GABRA2: variants seen among roughly 807,000 people sequenced by gnomAD.
GABRA2 encodes gamma-aminobutyric acid type A receptor subunit alpha2, also known as gamma-aminobutyric acid receptor subunit alpha-2.
A neutral mutation model predicts 48.7 loss-of-function variants in GABRA2; 16 were observed. The observed-to-expected ratio is 0.33, with a 90% CI of 0.22 to 0.50. The LOEUF (loss-of-function observed/expected upper bound fraction) is 0.50, where lower values mean the gene tolerates loss of function less well. GABRA2 is among the 20% of genes least tolerant of loss of function. GABRA2 has a pLI of 0.98. For synonymous variants in GABRA2, 185 were observed against 184.5 expected (o/e 1.00, Z -0.02); for missense variants, 275 against 535.6 (o/e 0.51, Z 4.80).
intron 3 of GABRA2, among the ~76,000 whole-genome samples, chr4:46,384,550 A>C (rs1286522223): frequency 6.6e-6 from 1 of 152,172 alleles, no homozygotes; most frequent in Non-Finnish European, 1.5e-5. Flanking sequence ...CCTCGTAAAA[A>C]TTCAAAGAGA....
At chr4:46,365,954 T>A (rs1391416947) in intron 3 of GABRA2, 13 of 152,082 alleles carry the variant, frequency 8.5e-5, no homozygotes, top group Non-Finnish European at 1.0e-4. Context: ...TCAATATCAC[T>A]TATAATAAGC....
chr4:46,378,235 A>G (rs1343341054), intron 3 of GABRA2, among the ~76,000 whole-genome samples: 1 of 152,216 alleles, frequency 6.6e-6, no homozygotes, highest in Non-Finnish European at 1.5e-5. Flanking sequence ...GGGTGGGGAA[A>G]AGACTGAGAA....
intron 6 of GABRA2, among the ~76,000 whole-genome samples, chr4:46,306,606 G>T (rs1034094637): frequency 2.6e-5 from 4 of 152,154 alleles, no homozygotes; most frequent in Admixed American, 2.0e-4. Flanking sequence ...ACCTTCTGAA[G>T]AACTTCTACG....
chr4:46,262,166 G>A (rs201766930), intron 8 of GABRA2, 38 bp from the exon 9 acceptor site: 30 of 1,553,244 alleles, frequency 1.9e-5, no homozygotes, highest in Admixed American at 6.7e-5. Flanking sequence ...ACATCAATAG[G>A]TACTAGCAGG....
At chr4:46,291,990 T>C (rs1365772179) in intron 8 of GABRA2, among the ~76,000 whole-genome samples, 2 of 152,046 alleles carry the variant, frequency 1.3e-5, no homozygotes, top group Non-Finnish European at 2.9e-5. Flanking sequence ...AGGACTATAC[T>C]TCTAATAGTA....
chr4:46,383,992 T>C (rs954934486), intron 3 of GABRA2, among the ~76,000 whole-genome samples: 1 of 152,202 alleles, frequency 6.6e-6, no homozygotes, highest in African/African-American at 2.4e-5. Flanking sequence ...ATTGATATCA[T>C]TGAAATGCCA....
intron 3 of GABRA2, among the ~76,000 whole-genome samples, chr4:46,377,602 G>C (rs1042043195): frequency 1.1e-4 from 16 of 151,460 alleles, no homozygotes; most frequent in Non-Finnish European, 2.4e-4. Context: ...CGGCAGGGAG[G>C]TGGGGGGTCA....
intron 3 of GABRA2, among the ~76,000 whole-genome samples, chr4:46,385,336 T>C (rs999774764): frequency 4.6e-5 from 7 of 151,836 alleles, no homozygotes; most frequent in Non-Finnish European, 1.0e-4. Flanking sequence ...AAACAAGTGA[T>C]AAATGTGATC....
chr4:46,389,952 TAGA>T lies in GABRA2; in HGVS notation c.-231_-229del, dbSNP rs1718036484. The stretch of plus-strand genomic sequence containing the variant: ...GGAGCCGCGGCGGCGGCGCGAGGTG[TAGA>T]AGGAGGCGAAGGCGTTCGTAGTGGC... On this transcript the variant is annotated 5_prime_UTR_variant, in exon 1 of 10. Coordinates refer to ENST00000381620, the MANE Select transcript of GABRA2 (RefSeq NM_000807.4). 9.2e-6 allele frequency: 9 copies of T among 982,572 alleles called. No individual in the cohort carries two copies. The highest frequency in any genetic ancestry group is 1.1e-5 in the Non-Finnish European group (9 of 831,050). 60.9% of individuals were successfully genotyped at this position (982,572 alleles called of 1,614,324 possible). A position where few individuals can be genotyped will look rare whatever the true frequency, so the allele number is the denominator to read the frequency against.
intron 8 of GABRA2, among the ~76,000 whole-genome samples, chr4:46,293,777 C>T (rs1174061420): frequency 6.6e-6 from 1 of 152,160 alleles, no homozygotes; most frequent in African/African-American, 2.4e-5. Flanking sequence ...GGAGGAACTG[C>T]TGAGATTAGT....
At chr4:46,333,899 T>C (rs1731775330) in intron 3 of GABRA2, among the ~76,000 whole-genome samples, 1 of 152,148 alleles carries the variant, frequency 6.6e-6, no homozygotes, top group African/African-American at 2.4e-5. Context: ...CAAAGAATTA[T>C]ACCATAGTCA....
chr4:46,303,410 G>A (rs45480300), intron 8 of GABRA2, 50 bp downstream of exon 8: 39 of 1,501,316 alleles, frequency 2.6e-5, no homozygotes, highest in Non-Finnish European at 3.6e-5. Context: ...GTTTTTGAAA[G>A]TATGCTATGA....
At chr4:46,367,949 A>G (rs1440430268) in intron 3 of GABRA2, 2 of 152,114 alleles carry the variant, frequency 1.3e-5, no homozygotes, top group Non-Finnish European at 2.9e-5. Context: ...TCCTTTGAAC[A>G]ATGGACTGTG....
chr4:46,268,847 G>A (rs1718760463), intron 8 of GABRA2, among the ~76,000 whole-genome samples: 1 of 151,946 alleles, frequency 6.6e-6, no homozygotes, highest in Middle Eastern at 3.4e-3. Flanking sequence ...CAATGGAAAA[G>A]TATTAGTCCT....
intron 8 of GABRA2, among the ~76,000 whole-genome samples, chr4:46,302,266 G>T (rs945490930): frequency 1.6e-4 from 25 of 152,020 alleles, no homozygotes; most frequent in African/African-American, 6.0e-4. Context: ...TTGCTATATT[G>T]CCCAGACTGG....
chr4:46,279,588 AT>A (rs1291726159), intron 8 of GABRA2, among the ~76,000 whole-genome samples: 1 of 152,142 alleles, frequency 6.6e-6, no homozygotes, highest in Non-Finnish European at 1.5e-5. Flanking sequence ...GTCATAAAAA[AT>A]CTTACGTGGA....
At position 46,363,304 on chromosome 4, in the gene GABRA2, G is replaced by T. The variant is rs554097064; in HGVS notation, c.187+22770C>A. On this transcript the variant is annotated intron_variant, in intron 3 of 9. Coordinates refer to ENST00000381620, the MANE Select transcript of GABRA2 (RefSeq NM_000807.4). ...GGCGATAAGTAAGCATTAACGGATA[G>T]AACTAGGAGATATTAACACCTGCGA... is the stretch of plus-strand genomic sequence containing the variant. Among the ~76,000 whole-genome samples the T allele has an allele frequency of 2.0e-5, 3 of 152,240 alleles. No homozygotes were observed. In the East Asian group the frequency reaches 5.8e-4, roughly 29 times the overall value.
intron 3 of GABRA2, among the ~76,000 whole-genome samples, chr4:46,375,949 T>A (rs1045123993): frequency 5.9e-5 from 9 of 152,182 alleles, no homozygotes; most frequent in Non-Finnish European, 4.4e-5. Flanking sequence ...ATGGTACAAG[T>A]AAAAATCATT....
At chr4:46,283,125 G>T (rs111707886) in intron 8 of GABRA2, among the ~76,000 whole-genome samples, 1 of 152,090 alleles carries the variant, frequency 6.6e-6, no homozygotes, top group Non-Finnish European at 1.5e-5. Context: ...TAGTCAACCC[G>T]TGAGAGTAGA....
Sources: gnomAD v4.1 joint callset for allele counts (sites outside exome capture counted in the v4.1 genomes callset) on GRCh38, gnomAD v4.1.1 for gene constraint, MANE v1.5 for transcripts, NCBI Gene and HGNC (gene_info 2026-07-23, HGNC 2026-07-21) for gene names.